The following KNTC1 variants were observed in gnomAD, a reference collection of about 807,000 sequenced individuals.
KNTC1 encodes kinetochore associated 1, also known as kinetochore-associated protein 1.
KNTC1 carries 253 observed loss-of-function variants against 314.4 expected under a neutral mutation model. That is an observed-to-expected ratio of 0.80 (90% CI 0.73 to 0.89). The LOEUF is 0.89. KNTC1 is among the 40% of genes least tolerant of loss of function. The pLI, the probability that KNTC1 is intolerant of heterozygous loss-of-function variation, is 0.00. For synonymous variants in KNTC1, 901 were observed against 901.4 expected (o/e 1.00, Z 0.01); for missense variants, 2,475 against 2,572.9 (o/e 0.96, Z 0.82).
intron 49 of KNTC1, 46 bp downstream of exon 49, chr12:122,604,683 A>AGCT: frequency 7.3e-7 from 1 of 1,376,734 alleles, no homozygotes; most frequent in Non-Finnish European, 1.0e-6. Flanking sequence ...TTCCTAATTA[A>AGCT]ATTGTACTAG....
chr12:122,620,516 G>A lies in KNTC1; in HGVS notation c.6187G>A (p.Ala2063Thr), dbSNP rs769105761. ...AGGTGATCTTGACCTGATCGGAGTC[G>A]CCAGGCAGTATATCCAGTTAGAACT... is the stretch of plus-strand genomic sequence containing the variant. ...VSGDLDLIGV[A>T]RQYIQLELPA... The change falls in exon 60 of 64, where the codon GCC becomes ACC. Residue 2063 changes from alanine to threonine, a missense_variant. By Grantham distance (58) the Ala-to-Thr change is moderately conservative. Transcript: ENST00000333479. 6.9e-5 allele frequency: 111 copies of A among 1,613,046 alleles called. 1 individual carries two copies. In the Middle Eastern group the frequency reaches 2.0e-3, roughly 29 times the overall value.
chr12:122,542,465 G>A (rs1477645258), intron 6 of KNTC1, among the ~76,000 whole-genome samples: 1 of 152,164 alleles, frequency 6.6e-6, no homozygotes, highest in Non-Finnish European at 1.5e-5. Context: ...TGACTATGTA[G>A]TGTTAATAGT....
Position 122,534,432 on chromosome 12 carries a change from A to C in KNTC1, c.130-232A>C, listed in dbSNP as rs151225752. ...AGGAAACAAGGACTTGAACATGAGA[A>C]TCCTTTGCCCTTCCTGCTCATCCTG... On this transcript the variant is annotated intron_variant, in intron 2 of 63. Coordinates refer to ENST00000333479, the MANE Select transcript of KNTC1 (RefSeq NM_014708.6). Among the ~76,000 whole-genome samples, 816 of 152,282 alleles carry C rather than the reference A, an allele frequency of 5.4e-3. 9 individuals carry two copies. Among genetic ancestry groups the C allele is most frequent in the African/African-American group, 0.019 (781 of 41,558 alleles).
At chr12:122,540,633 G>A (rs1962230616) in intron 5 of KNTC1, among the ~76,000 whole-genome samples, 1 of 151,960 alleles carries the variant, frequency 6.6e-6, no homozygotes, top group Non-Finnish European at 1.5e-5. Flanking sequence ...AGGTTACCAA[G>A]GAGACATTAT....
In KNTC1 at chr12:122,549,882, T is replaced by G; in HGVS notation, c.1086+18T>G. 1 of 1,359,526 alleles carries G rather than the reference T, an allele frequency of 7.4e-7. No homozygotes were observed. The highest frequency in any genetic ancestry group is 1.0e-6 in the Non-Finnish European group (1 of 969,580). The allele number at this position is 1,359,526 out of a possible 1,614,324, so 84.2% of individuals were successfully genotyped here. A position where few individuals can be genotyped will look rare whatever the true frequency, so the allele number is the denominator to read the frequency against. ...TTAGCACAGTAAGTTTATTTGCATT[T>G]TAAAGTATTCTTTTAACTACTTTTT... On this transcript the variant is annotated intron_variant, in intron 13 of 63. Coordinates refer to ENST00000333479, the MANE Select transcript of KNTC1 (RefSeq NM_014708.6).
intron 55 of KNTC1, among the ~76,000 whole-genome samples, chr12:122,614,430 G>A (rs1368327658): frequency 6.6e-6 from 1 of 152,106 alleles, no homozygotes. Flanking sequence ...GGGGCAGGAA[G>A]GTTTTTTGGT....
intron 20 of KNTC1, among the ~76,000 whole-genome samples, chr12:122,565,242 T>TG (rs1964246596): frequency 7.6e-6 from 1 of 131,060 alleles, no homozygotes; most frequent in Admixed American, 8.2e-5. Context: ...CTTGAGTTGT[T>TG]TTTTTTTTTT....
chr12:122,562,067 A>G, intron 19 of KNTC1, 93 bp downstream of exon 19: 1 of 1,233,174 alleles, frequency 8.1e-7, no homozygotes, highest in Non-Finnish European at 1.1e-6. Flanking sequence ...TATCAAGAGC[A>G]AGTTATTTCA....
intron 18 of KNTC1, among the ~76,000 whole-genome samples, chr12:122,560,954 G>A (rs576537684): frequency 1.3e-5 from 2 of 152,134 alleles, no homozygotes; most frequent in South Asian, 4.1e-4. Flanking sequence ...TATGTAAGGT[G>A]GGAAGGTATG....
At chr12:122,535,163 T>C (rs1961685629) in intron 3 of KNTC1, among the ~76,000 whole-genome samples, 1 of 152,232 alleles carries the variant, frequency 6.6e-6, no homozygotes, top group African/African-American at 2.4e-5. Context: ...TAAAAATCCT[T>C]TAACATACTT....
intron 28 of KNTC1, 35 bp from the exon 29 acceptor site, chr12:122,575,765 A>G (rs1246604297): frequency 3.8e-6 from 6 of 1,571,414 alleles, no homozygotes; most frequent in Non-Finnish European, 5.2e-6. Context: ...CATAAAAAAG[A>G]CAATCCATGT....
chr12:122,588,654 A>G lies in KNTC1; in HGVS notation c.3895-58A>G. 4.1e-6 allele frequency: 5 copies of G among 1,223,214 alleles called. No homozygotes were observed. The South Asian group carries it at 1.1e-4, about 26-fold the overall frequency. 75.8% of individuals were successfully genotyped at this position (1,223,214 alleles called of 1,614,324 possible). ...ACCAAAGTTCCTTAATATTTGAAAA[A>G]ATTTTCAGAATGTTATATAGAACTA... On this transcript the variant is annotated intron_variant, in intron 39 of 63. Coordinates refer to ENST00000333479, the MANE Select transcript of KNTC1 (RefSeq NM_014708.6).
At chr12:122,552,539 A>G (rs112121490) in intron 16 of KNTC1, among the ~76,000 whole-genome samples, 4,583 of 151,888 alleles carry the variant, frequency 0.03, 225 homozygotes, top group African/African-American at 0.1. Context: ...TAATTTTTAA[A>G]TTTTTTGTAG....
At chr12:122,563,709 T>G in intron 20 of KNTC1, 1 of 1,279,520 alleles carries the variant, frequency 7.8e-7, no homozygotes, top group Non-Finnish European at 1.0e-6. Context: ...TTGGATTTAC[T>G]TATATTTTAC....
chr12:122,542,466 T>C (rs1246843265), intron 6 of KNTC1, among the ~76,000 whole-genome samples: 1 of 152,114 alleles, frequency 6.6e-6, no homozygotes, highest in Non-Finnish European at 1.5e-5. Flanking sequence ...GACTATGTAG[T>C]GTTAATAGTG....
chr12:122,604,698 A>T (rs1398586279), intron 49 of KNTC1, 61 bp downstream of exon 49: 1 of 1,318,246 alleles, frequency 7.6e-7, no homozygotes, highest in East Asian at 2.3e-5. Context: ...TACTAGCTTA[A>T]TTTACCTTCT....
At chr12:122,587,953 G>A (rs928081112) in intron 39 of KNTC1, 79 bp downstream of exon 39, 14 of 1,206,690 alleles carry the variant, frequency 1.2e-5, no homozygotes, top group African/African-American at 9.2e-5. Flanking sequence ...TGGAGTCCAC[G>A]TTTTCCTATT....
At chr12:122,613,877 G>T (rs1223950107) in intron 55 of KNTC1, 116 bp downstream of exon 55, 2 of 1,109,458 alleles carry the variant, frequency 1.8e-6, no homozygotes, top group Non-Finnish European at 2.4e-6. Context: ...GTTTTGCTCT[G>T]TTGCCCAGGC....
At chr12:122,565,252 TAAAAA>T (rs35980710) in intron 20 of KNTC1, among the ~76,000 whole-genome samples, 1 of 131,758 alleles carries the variant, frequency 7.6e-6, no homozygotes, top group African/African-American at 2.7e-5. Flanking sequence ...TTTTTTTTTT[TAAAAA>T]AAAAAAAACA....
Sources: allele counts gnomAD v4.1 joint callset (sites outside exome capture counted in the v4.1 genomes callset), GRCh38; gene constraint gnomAD v4.1.1; transcripts MANE v1.5; gene names NCBI Gene and HGNC (gene_info 2026-07-23, HGNC 2026-07-21).